The following MALL variants were observed in gnomAD, a reference collection of about 807,000 sequenced individuals.
MALL encodes mal, T cell differentiation protein like.
MALL carries 2 observed loss-of-function variants against 10.3 expected under a neutral mutation model. That is an observed-to-expected ratio of 0.19 (90% CI 0.08 to 0.61). MALL has a LOEUF of 0.61. MALL is among the 20% of genes least tolerant of loss of function. The pLI is 0.88. For synonymous variants in MALL, 27 were observed against 51.8 expected (o/e 0.52, Z 2.05); for missense variants, 39 against 115.2 (o/e 0.34, Z 3.03).
At chr2:110,103,373 G>A (rs569792187) in intron 1 of MALL, among the ~76,000 whole-genome samples, 54 of 152,260 alleles carry the variant, frequency 3.5e-4, no homozygotes, top group Admixed American at 2.4e-3. Context: ...GCTAGGGGCT[G>A]GCTGGCAGGG....
Position 110,115,787 on chromosome 2 carries a change from G to A in MALL, c.6C>T (p.Ala2=). 1.6e-6 allele frequency: 2 copies of A among 1,265,874 alleles called. No individual in the cohort carries two copies. Among genetic ancestry groups the A allele is most frequent in the Non-Finnish European group, 2.0e-6 (2 of 998,634 alleles). 78.4% of individuals were successfully genotyped at this position (1,265,874 alleles called of 1,614,324 possible). The change falls in exon 1 of 4, where the codon GCC becomes GCT. Residue 2 remains alanine, a synonymous_variant. Coordinates refer to ENST00000272462, the MANE Select transcript of MALL (RefSeq NM_005434.5). M[A]SPDPPATSYA... ...AGCTGGTGGCGGGCGGGTCGGGCGA[G>A]GCCATGCTGTCAGCCCCTGCCGGGT...
chr2:110,100,199 C>G (rs765894308), intron 1 of MALL, among the ~76,000 whole-genome samples: 1 of 152,126 alleles, frequency 6.6e-6, no homozygotes, highest in Admixed American at 6.5e-5. Context: ...CTGAAGCCAA[C>G]AGGGCATAAT....
chr2:110,107,611 G>T (rs1236319208), intron 1 of MALL, among the ~76,000 whole-genome samples: 5 of 152,100 alleles, frequency 3.3e-5, no homozygotes, highest in African/African-American at 1.2e-4. Flanking sequence ...TATCCACTCT[G>T]GTGGAAGACA....
intron 1 of MALL, among the ~76,000 whole-genome samples, chr2:110,109,173 G>C (rs191914824): frequency 1.3e-5 from 2 of 152,104 alleles, no homozygotes; most frequent in Admixed American, 6.5e-5. Context: ...AGGCAACAAA[G>C]AGCATGATGA....
intron 1 of MALL, among the ~76,000 whole-genome samples, chr2:110,108,489 C>T (rs941679507): frequency 9.0e-5 from 13 of 144,542 alleles, no homozygotes; most frequent in African/African-American, 3.5e-4. Flanking sequence ...CCAACAAAGA[C>T]AAAGAAAAAA....
intron 1 of MALL, among the ~76,000 whole-genome samples, chr2:110,112,808 C>T (rs1411128450): frequency 1.3e-5 from 2 of 151,404 alleles, no homozygotes; most frequent in Admixed American, 6.6e-5. Context: ...GCACAATTCA[C>T]AATTGTGAAA....
chr2:110,104,121 C>T (rs917562964), intron 1 of MALL, among the ~76,000 whole-genome samples: 15 of 152,254 alleles, frequency 9.9e-5, no homozygotes, highest in Admixed American at 2.0e-4. Context: ...CCCAGCACCC[C>T]CACACTGGTC....
At chr2:110,111,609 T>A (rs755646354) in intron 1 of MALL, among the ~76,000 whole-genome samples, 6 of 151,994 alleles carry the variant, frequency 3.9e-5, no homozygotes, top group Admixed American at 1.3e-4. Context: ...GAAACACATC[T>A]CATGCTCATG....
intron 1 of MALL, among the ~76,000 whole-genome samples, chr2:110,110,626 T>G (rs894978404): frequency 6.6e-6 from 1 of 152,124 alleles, no homozygotes; most frequent in Admixed American, 6.5e-5. Context: ...CGCACCAGAA[T>G]TCTACCAGAC....
chr2:110,097,639 T>C (rs1403820693), intron 1 of MALL: 1 of 439,246 alleles, frequency 2.3e-6, no homozygotes, highest in Non-Finnish European at 4.6e-6. Flanking sequence ...AAAAGATGCA[T>C]GGTCTCAGGT....
chr2:110,102,758 G>A (rs926793858), intron 1 of MALL, among the ~76,000 whole-genome samples: 40 of 152,254 alleles, frequency 2.6e-4, no homozygotes, highest in African/African-American at 9.6e-4. Context: ...AGGGTAGGGA[G>A]CAACTGTCCC....
chr2:110,104,119 C>T (rs1343468559), intron 1 of MALL, among the ~76,000 whole-genome samples: 1 of 152,122 alleles, frequency 6.6e-6, no homozygotes, highest in Non-Finnish European at 1.5e-5. Context: ...CTCCCAGCAC[C>T]CCCACACTGG....
intron 1 of MALL, among the ~76,000 whole-genome samples, chr2:110,114,240 A>T (rs1469560625): frequency 6.6e-6 from 1 of 151,204 alleles, no homozygotes; most frequent in African/African-American, 2.4e-5. Flanking sequence ...GCAGGCCTGG[A>T]CCCCTCCTTG....
upstream of MALL, chr2:110,115,906 A>AC (rs2104399087): frequency 2.3e-6 from 1 of 435,714 alleles, no homozygotes. Context: ...AAAAAAAAAA[A>AC]ACGTTCCAGC....
rs1256254222 is a variant in MALL at position 110,115,754 on chromosome 2, C to T, written c.39G>A (p.Pro13=). 1 of 1,289,216 alleles carries T rather than the reference C, an allele frequency of 7.8e-7. No homozygotes were observed. Among genetic ancestry groups the T allele is most frequent in the Non-Finnish European group, 9.9e-7 (1 of 1,010,982 alleles). 79.9% of individuals were successfully genotyped at this position (1,289,216 alleles called of 1,614,324 possible). A position where few individuals can be genotyped will look rare whatever the true frequency, so the allele number is the denominator to read the frequency against. The change falls in exon 1 of 4, where the codon CCG becomes CCA. Residue 13 remains proline, a synonymous_variant. Transcript: ENST00000272462. ...GCGCGACCCCCGAGGGCACGTCGGA[C>T]GGGGCGTAGCTGGTGGCGGGCGGGT... ...SPDPPATSYA[P]SDVPSGVALF...
chr2:110,108,140 C>G (rs149596553), intron 1 of MALL, among the ~76,000 whole-genome samples: 3 of 152,182 alleles, frequency 2.0e-5, no homozygotes, highest in East Asian at 1.9e-4. Context: ...TCAATACCCC[C>G]CAAAATCACA....
chr2:110,117,903 A>C (rs1368118893), upstream of MALL, among the ~76,000 whole-genome samples: 1 of 152,106 alleles, frequency 6.6e-6, no homozygotes, highest in African/African-American at 2.4e-5. Flanking sequence ...CTCAGACCAG[A>C]AACATGGATT....
intron 1 of MALL, among the ~76,000 whole-genome samples, chr2:110,100,391 T>C (rs892920235): frequency 2.0e-5 from 3 of 151,992 alleles, no homozygotes; most frequent in Non-Finnish European, 4.4e-5. Context: ...GAGGATCCTT[T>C]GGGCTCGGGA....
chr2:110,105,054 A>G (rs1336373233), intron 1 of MALL, among the ~76,000 whole-genome samples: 2 of 152,182 alleles, frequency 1.3e-5, no homozygotes, highest in African/African-American at 4.8e-5. Context: ...CAAACCCCAC[A>G]GCTGTCTTAT....
Sources: allele counts gnomAD v4.1 joint callset (sites outside exome capture counted in the v4.1 genomes callset), GRCh38; gene constraint gnomAD v4.1.1; transcripts MANE v1.5; gene names NCBI Gene and HGNC (gene_info 2026-07-23, HGNC 2026-07-21).